CTNNA2: variants seen among roughly 807,000 people sequenced by gnomAD.
The protein encoded by CTNNA2 is catenin alpha 2, also known as catenin alpha-2.
A neutral mutation model predicts 101.0 loss-of-function variants in CTNNA2; 42 were observed. The observed-to-expected ratio is 0.42, with a 90% CI of 0.32 to 0.54. The LOEUF (loss-of-function observed/expected upper bound fraction) is 0.54. CTNNA2 is among the 20% of genes least tolerant of loss of function. The pLI is 0.14. For synonymous variants in CTNNA2, 450 were observed against 456.4 expected (o/e 0.99, Z 0.18); for missense variants, 871 against 1,223.1 (o/e 0.71, Z 4.29).
intron 3 of CTNNA2, among the ~76,000 whole-genome samples, chr2:79,784,729 A>G (rs770529635): frequency 2.7e-5 from 4 of 149,676 alleles, no homozygotes; most frequent in Admixed American, 6.7e-5. Flanking sequence ...AATATATTCA[A>G]TTGATGGCAT....
rs565601198 is a variant in CTNNA2, at chr2:80,319,241, G to A, written c.1057-73970G>A. On this transcript the variant is annotated intron_variant, in intron 7 of 18. Transcript: ENST00000402739. The stretch of plus-strand genomic sequence containing the variant: ...TTCATCAACTACTTTTAATATAATT[G>A]GTATTTGAAGGATGTCTACCAATTT... Among the ~76,000 whole-genome samples, 12 of 152,070 alleles carry A rather than the reference G, an allele frequency of 7.9e-5. 1 individual carries two copies. The East Asian group carries it at 1.4e-3, about 17-fold the overall frequency.
At chr2:80,056,195 G>A (rs1697203522) in intron 7 of CTNNA2, among the ~76,000 whole-genome samples, 1 of 152,052 alleles carries the variant, frequency 6.6e-6, no homozygotes, top group Non-Finnish European at 1.5e-5. Context: ...TCTCTTGCTG[G>A]CGGAAAGAGA....
At chr2:80,220,860 G>C (rs767231801) in intron 7 of CTNNA2, among the ~76,000 whole-genome samples, 27 of 151,966 alleles carry the variant, frequency 1.8e-4, no homozygotes, top group Non-Finnish European at 4.4e-5. Flanking sequence ...CTTCTTTCTG[G>C]TTTTTTGTTT....
At chr2:80,031,280 G>T (rs998029105) in intron 7 of CTNNA2, among the ~76,000 whole-genome samples, 1 of 152,308 alleles carries the variant, frequency 6.6e-6, no homozygotes, top group African/African-American at 2.4e-5. Flanking sequence ...AGAGGAGAGT[G>T]TGTATTAGTC....
intron 1 of CTNNA2, chr2:79,514,595 C>G (rs954094804): frequency 3.3e-5 from 5 of 152,206 alleles, no homozygotes; most frequent in Non-Finnish European, 7.3e-5. Context: ...ACAATTCTTT[C>G]TGTTAGCATT....
intron 1 of CTNNA2, among the ~76,000 whole-genome samples, chr2:79,627,095 C>G (rs1679360165): frequency 2.0e-5 from 3 of 152,140 alleles, no homozygotes; most frequent in Non-Finnish European, 4.4e-5. Flanking sequence ...TTATGGGCGA[C>G]AGCTCTGGGA....
intron 7 of CTNNA2, among the ~76,000 whole-genome samples, chr2:80,047,298 A>C (rs1351550201): frequency 6.6e-6 from 1 of 152,240 alleles, no homozygotes; most frequent in Non-Finnish European, 1.5e-5. Flanking sequence ...CACTTACCAC[A>C]TATCAATCTG....
chr2:80,296,817 C>T (rs1675787347), intron 7 of CTNNA2, among the ~76,000 whole-genome samples: 2 of 152,176 alleles, frequency 1.3e-5, no homozygotes, highest in African/African-American at 2.4e-5. Context: ...ACCAGTAGCA[C>T]CATCTCACCC....
intron 4 of CTNNA2, among the ~76,000 whole-genome samples, chr2:79,450,448 T>C (rs1324163499): frequency 6.6e-6 from 1 of 152,006 alleles, no homozygotes. Flanking sequence ...TTGTCTAACA[T>C]GGCCACTCTA....
chr2:79,662,968 G>A (rs913970315), intron 2 of CTNNA2, among the ~76,000 whole-genome samples: 6 of 152,078 alleles, frequency 3.9e-5, no homozygotes, highest in South Asian at 2.1e-4. Flanking sequence ...TCAGGCCTCC[G>A]ACTTGGTTGG....
intron 7 of CTNNA2, among the ~76,000 whole-genome samples, chr2:80,273,998 C>T (rs1042637089): frequency 1.3e-5 from 2 of 152,140 alleles, no homozygotes; most frequent in Non-Finnish European, 2.9e-5. Flanking sequence ...GTGCCTGGCA[C>T]ATGGAAAGTG....
chr2:79,694,003 T>G (rs1030894816), intron 2 of CTNNA2, among the ~76,000 whole-genome samples: 4 of 151,982 alleles, frequency 2.6e-5, no homozygotes, highest in Non-Finnish European at 5.9e-5. Flanking sequence ...TTACAAATAT[T>G]GTATTATTCA....
intron 18 of CTNNA2, among the ~76,000 whole-genome samples, chr2:80,623,580 G>T (rs1439837204): frequency 2.0e-5 from 3 of 151,952 alleles, no homozygotes; most frequent in Non-Finnish European, 4.4e-5. Context: ...TGACCATGCT[G>T]AGTTTAATGA....
chr2:79,490,285 G>T (rs893873464), intron 4 of CTNNA2, among the ~76,000 whole-genome samples: 6 of 151,992 alleles, frequency 3.9e-5, no homozygotes, highest in Non-Finnish European at 5.9e-5. Context: ...TTCAAATACC[G>T]GTCTGTCTTT....
intron 7 of CTNNA2, among the ~76,000 whole-genome samples, chr2:79,970,012 C>T (rs992435229): frequency 7.2e-5 from 11 of 152,142 alleles, no homozygotes; most frequent in African/African-American, 2.4e-4. Flanking sequence ...CCTGTGAAAG[C>T]GACTGATATT....
At chr2:80,445,450 A>G (rs977428586) in intron 9 of CTNNA2, among the ~76,000 whole-genome samples, 24 of 152,248 alleles carry the variant, frequency 1.6e-4, no homozygotes, top group Non-Finnish European at 8.8e-5. Flanking sequence ...CAAAATGCTG[A>G]CATTACAGGT....
intron 7 of CTNNA2, among the ~76,000 whole-genome samples, chr2:80,351,292 T>C (rs1345716403): frequency 6.6e-6 from 1 of 152,064 alleles, no homozygotes; most frequent in African/African-American, 2.4e-5. Context: ...AAGCATTTTG[T>C]TGTCTGGTCA....
intron 2 of CTNNA2, among the ~76,000 whole-genome samples, chr2:79,291,671 T>C (rs1203775598): frequency 1.3e-5 from 2 of 152,174 alleles, no homozygotes; most frequent in Non-Finnish European, 2.9e-5. Flanking sequence ...AATTTCAACC[T>C]TTCTCCTAAG....
chr2:80,225,726 A>C (rs1264518819), intron 7 of CTNNA2, among the ~76,000 whole-genome samples: 3 of 152,114 alleles, frequency 2.0e-5, no homozygotes, highest in Admixed American at 1.3e-4. Flanking sequence ...TTTCCTGAGG[A>C]ATTAGATTTT....
Sources: gnomAD v4.1 joint callset for allele counts (sites outside exome capture counted in the v4.1 genomes callset) on GRCh38, gnomAD v4.1.1 for gene constraint, MANE v1.5 for transcripts, NCBI Gene and HGNC (gene_info 2026-07-23, HGNC 2026-07-21) for gene names.